MDFIC2: variants seen among roughly 807,000 people sequenced by gnomAD.
MDFIC2 encodes the protein myoD family inhibitor domain-containing protein 2.
chr3:70,199,936 ATC>A (rs1485761988), intron 3 of MDFIC2, among the ~76,000 whole-genome samples: 1 of 151,984 alleles, frequency 6.6e-6, no homozygotes, highest in Non-Finnish European at 1.5e-5. Context: ...TGCATTTTGG[ATC>A]TCTCTCTCCC....
chr3:70,283,886 G>A (rs1276994328), intron 2 of MDFIC2: 1 of 151,984 alleles, frequency 6.6e-6, no homozygotes, highest in East Asian at 1.9e-4. Context: ...TGTGTAAAAT[G>A]TCAATAATCA....
chr3:70,199,084 T>C (rs570811631), intron 3 of MDFIC2, among the ~76,000 whole-genome samples: 1 of 152,276 alleles, frequency 6.6e-6, no homozygotes, highest in African/African-American at 2.4e-5. Context: ...GGCTGAATGC[T>C]CAAGAGACTT....
rs573887055 is a variant in MDFIC2, at chr3:70,200,545, G to A, written c.311-3360C>T. On this transcript the variant is annotated intron_variant, in intron 3 of 3. Coordinates refer to ENST00000567252, the MANE Select transcript of MDFIC2 (RefSeq NM_001364677.1). ...ACCCAACTCCTATTCAAACATTTAA[G>A]TTTTTAGCTTTAAACACCTTCCCTT... Among the ~76,000 whole-genome samples the A allele has an allele frequency of 9.2e-5, 14 of 152,254 alleles. No homozygotes were observed. The South Asian group carries it at 2.9e-3, about 32-fold the overall frequency.
intron 2 of MDFIC2, among the ~76,000 whole-genome samples, chr3:70,251,696 G>A (rs928908740): frequency 3.3e-5 from 5 of 152,056 alleles, no homozygotes; most frequent in East Asian, 1.9e-4. Context: ...GGCAAAACCC[G>A]CAATTACTTT....
chr3:70,218,521 G>A (rs2106734948), intron 2 of MDFIC2, among the ~76,000 whole-genome samples: 1 of 152,202 alleles, frequency 6.6e-6, no homozygotes, highest in East Asian at 1.9e-4. Flanking sequence ...TCGGTACCCA[G>A]GGTGTGGTTG....
Position 70,236,673 on chromosome 3 carries a change from G to C in MDFIC2, c.89-29883C>G, listed in dbSNP as rs572659045. On this transcript the variant is annotated intron_variant, in intron 2 of 3. Transcript: ENST00000567252. Reference sequence around the variant, plus strand: ...TGCAGCGGCACAATCATGGCTCGCTGCAGTCTCAACCTCCCAGGTCCAAGC... The same window carrying C: ...TGCAGCGGCACAATCATGGCTCGCTCCAGTCTCAACCTCCCAGGTCCAAGC... 2.9e-4 allele frequency among the ~76,000 whole-genome samples: 44 copies of C among 152,176 alleles called. 1 individual carries two copies. The highest frequency in any genetic ancestry group is 3.4e-3 in the Middle Eastern group (1 of 292).
intron 2 of MDFIC2, among the ~76,000 whole-genome samples, chr3:70,294,751 A>AT (rs1197958083): frequency 6.6e-6 from 1 of 152,176 alleles, no homozygotes; most frequent in South Asian, 2.1e-4. Context: ...AAGAATCCAG[A>AT]TTTTTTTCCA....
chr3:70,255,498 T>C (rs941250475), intron 2 of MDFIC2, among the ~76,000 whole-genome samples: 3 of 152,208 alleles, frequency 2.0e-5, no homozygotes, highest in African/African-American at 7.2e-5. Flanking sequence ...CACAGTTAAC[T>C]GCAGCCTTGA....
chr3:70,299,842 GTT>G (rs1702329828), intron 2 of MDFIC2, among the ~76,000 whole-genome samples: 1 of 151,946 alleles, frequency 6.6e-6, no homozygotes, highest in Non-Finnish European at 1.5e-5. Context: ...GCTTCCCTTT[GTT>G]TAATAACATT....
intron 2 of MDFIC2, among the ~76,000 whole-genome samples, chr3:70,298,143 A>C (rs1702307762): frequency 6.6e-6 from 1 of 152,128 alleles, no homozygotes; most frequent in African/African-American, 2.4e-5. Context: ...TTGAAAATTA[A>C]AGTTAGATTT....
At chr3:70,234,078 T>C (rs1245092723) in intron 2 of MDFIC2, among the ~76,000 whole-genome samples, 1 of 152,158 alleles carries the variant, frequency 6.6e-6, no homozygotes, top group Non-Finnish European at 1.5e-5. Context: ...AAAATTCTGA[T>C]ACACACATTA....
intron 2 of MDFIC2, among the ~76,000 whole-genome samples, chr3:70,257,343 G>A (rs961387391): frequency 1.3e-5 from 2 of 152,070 alleles, no homozygotes; most frequent in Admixed American, 1.3e-4. Context: ...TTGGATCATG[G>A]GTTTTAAGGA....
chr3:70,286,738 G>A (rs894356676), intron 2 of MDFIC2, among the ~76,000 whole-genome samples: 9 of 152,174 alleles, frequency 5.9e-5, no homozygotes, highest in African/African-American at 1.9e-4. Context: ...ATTTCCTTGA[G>A]CAGTGGTTTG....
At chr3:70,294,875 A>G (rs920478596) in intron 2 of MDFIC2, among the ~76,000 whole-genome samples, 4 of 152,158 alleles carry the variant, frequency 2.6e-5, no homozygotes, top group African/African-American at 9.7e-5. Flanking sequence ...ATAGGAGACT[A>G]TCTTTTTTTG....
intron 2 of MDFIC2, among the ~76,000 whole-genome samples, chr3:70,271,287 G>T (rs953042628): frequency 6.6e-6 from 1 of 152,078 alleles, no homozygotes; most frequent in Non-Finnish European, 1.5e-5. Flanking sequence ...ATCATGAAAA[G>T]GACCTGGTAG....
At chr3:70,226,417 A>G (rs1701507477) in intron 2 of MDFIC2, among the ~76,000 whole-genome samples, 1 of 152,164 alleles carries the variant, frequency 6.6e-6, no homozygotes, top group Admixed American at 6.5e-5. Flanking sequence ...AGGGTGTCTC[A>G]GTGAAATTTT....
At chr3:70,306,515 C>G (rs552225458) in intron 2 of MDFIC2, among the ~76,000 whole-genome samples, 102 of 152,326 alleles carry the variant, frequency 6.7e-4, no homozygotes, top group African/African-American at 2.4e-3. Flanking sequence ...ATCTTTCACA[C>G]TCTTTCCTTC....
intron 2 of MDFIC2, among the ~76,000 whole-genome samples, chr3:70,243,929 A>G (rs190878112): frequency 1.8e-4 from 27 of 152,296 alleles, no homozygotes; most frequent in Admixed American, 1.0e-3. Context: ...TAAGTAACAG[A>G]GGAGGTAAGG....
chr3:70,292,599 T>G (rs1158186505), intron 2 of MDFIC2, among the ~76,000 whole-genome samples: 1 of 152,136 alleles, frequency 6.6e-6, no homozygotes, highest in African/African-American at 2.4e-5. Context: ...TTTTTATCTA[T>G]CTTGCTTTTG....
Sources: allele counts gnomAD v4.1 joint callset (sites outside exome capture counted in the v4.1 genomes callset), GRCh38; gene constraint gnomAD v4.1.1; transcripts MANE v1.5; gene names NCBI Gene and HGNC (gene_info 2026-07-23, HGNC 2026-07-21).